The following MDM2 variants were observed in gnomAD, a reference collection of about 807,000 sequenced individuals.
MDM2 encodes the protein MDM2 proto-oncogene.
A neutral mutation model predicts 64.3 loss-of-function variants in MDM2; 11 were observed. The ratio of observed to expected loss-of-function variants is 0.17; its 90% CI spans 0.11 to 0.28. The LOEUF is 0.28. Among genes scored for constraint, MDM2 ranks in the 10% least tolerant of loss-of-function variants. The pLI, the probability that MDM2 is intolerant of heterozygous loss-of-function variation, is 1.00. For synonymous variants in MDM2, 194 were observed against 192.9 expected, an observed-to-expected ratio of 1.01 and a Z score of -0.05; for missense variants, 388 against 577.1, an observed-to-expected ratio of 0.67 and a Z score of 3.36.
intron 8 of MDM2, among the ~76,000 whole-genome samples, chr12:68,831,994 C>T (rs796625013): frequency 7.9e-5 from 12 of 152,236 alleles, no homozygotes; most frequent in African/African-American, 1.9e-4. Flanking sequence ...CGCTTGAACC[C>T]GGGAGGCGGA....
chr12:68,816,609 G>A (rs1881405631), intron 3 of MDM2, among the ~76,000 whole-genome samples: 1 of 151,940 alleles, frequency 6.6e-6, no homozygotes, highest in East Asian at 1.9e-4. Flanking sequence ...CATCCGCTTC[G>A]GCCTCCCGAA....
intron 2 of MDM2, among the ~76,000 whole-genome samples, chr12:68,809,776 C>G (rs1292455848): frequency 1.3e-5 from 2 of 152,092 alleles, no homozygotes; most frequent in Non-Finnish European, 2.9e-5. Context: ...TGTTATTGTC[C>G]TGTTTGTTGT....
downstream of MDM2, chr12:68,850,427 G>T (rs549514660): frequency 1.3e-5 from 2 of 152,058 alleles, no homozygotes; most frequent in African/African-American, 4.8e-5. Flanking sequence ...AAATTGAGAC[G>T]TCACTTTTTA....
In MDM2 at chr12:68,835,893, A is replaced by G; in HGVS notation, c.749A>G (p.Gln250Arg). ...DWLDQDSVSD[Q>R]FSVEFEVESL... ...TTGGATCAGGATTCAGTTTCAGATC[A>G]GTTTAGTGTAGAATTTGAAGTTGAA... is the stretch of plus-strand genomic sequence containing the variant. Residue 250 changes from glutamine (Q) to arginine (R), a missense_variant, in exon 9 of 11, where the codon CAG (glutamine) becomes CGG (arginine). By Grantham distance (43) the Gln-to-Arg change is conservative (BLOSUM62 1). Transcript: ENST00000258149. 6.2e-7 allele frequency: 1 copy of G among 1,613,730 alleles called. No homozygotes were observed. Among genetic ancestry groups the G allele is most frequent in the Non-Finnish European group, 8.5e-7 (1 of 1,179,694 alleles).
At chr12:68,835,695 G>A in intron 8 of MDM2, 134 bp from the exon 9 acceptor site, 1 of 791,822 alleles carries the variant, frequency 1.3e-6, no homozygotes, top group East Asian at 2.9e-5. Flanking sequence ...GGAAGTCCCG[G>A]ATCAGAGCAG....
In MDM2 at chr12:68,840,090, A is replaced by G; in HGVS notation, c.*241A>G. 2.2e-6 allele frequency: 1 copy of G among 450,122 alleles called. No individual in the cohort carries two copies. The highest frequency in any genetic ancestry group is 4.1e-5 in the South Asian group (1 of 24,452). 27.9% of individuals were successfully genotyped at this position (450,122 alleles called of 1,614,324 possible). A position where few individuals can be genotyped will look rare whatever the true frequency, so the allele number is the denominator to read the frequency against. On this transcript the variant is annotated 3_prime_UTR_variant, in exon 11 of 11. Coordinates refer to ENST00000258149, the MANE Select transcript of MDM2 (RefSeq NM_002392.6). ...TTTTAAATAATTTCTACTCTGTCTTAAATGAGAAGTACTTGGTTTTTTTTT... is the reference window on the plus strand; with the variant it reads ...TTTTAAATAATTTCTACTCTGTCTTGAATGAGAAGTACTTGGTTTTTTTTT...
chr12:68,816,862 G>A lies in MDM2; in HGVS notation c.225G>A (p.Glu75=), dbSNP rs770743144. 1 of 1,610,526 alleles carries A rather than the reference G, an allele frequency of 6.2e-7. No individual in the cohort carries two copies. The highest frequency in any genetic ancestry group is 1.1e-5 in the South Asian group (1 of 90,138). ...TTATGACTAAACGATTATATGATGAGAAGCAACAACATATTGTATATTGTT... is the reference window on the plus strand; with the variant it reads ...TTATGACTAAACGATTATATGATGAAAAGCAACAACATATTGTATATTGTT... The part of the protein sequence containing the change: ...QYIMTKRLYD[E]KQQHIVYCSN... The change falls in exon 4 of 11, where the codon GAG becomes GAA. Residue 75 remains glutamate (E), a synonymous_variant. Coordinates refer to ENST00000258149, the MANE Select transcript of MDM2 (RefSeq NM_002392.6).
intron 2 of MDM2, among the ~76,000 whole-genome samples, chr12:68,812,453 A>T (rs1034715005): frequency 8.6e-4 from 131 of 152,182 alleles, no homozygotes; most frequent in African/African-American, 3.2e-3. Context: ...AGTTTTGCAG[A>T]TTTTGATAAA....
At chr12:68,826,993 G>A (rs897726439) in intron 7 of MDM2, among the ~76,000 whole-genome samples, 3 of 152,158 alleles carry the variant, frequency 2.0e-5, no homozygotes, top group African/African-American at 7.2e-5. Context: ...TGGCTAACAC[G>A]GTGAAACCCC....
intron 8 of MDM2, among the ~76,000 whole-genome samples, chr12:68,829,934 C>G (rs1390914333): frequency 6.6e-6 from 1 of 152,164 alleles, no homozygotes; most frequent in Non-Finnish European, 1.5e-5. Flanking sequence ...GAATGCTTGA[C>G]AAATGGAATA....
intron 5 of MDM2, among the ~76,000 whole-genome samples, chr12:68,823,327 A>T (rs1339622701): frequency 6.6e-6 from 1 of 152,172 alleles, no homozygotes; most frequent in East Asian, 1.9e-4. Context: ...TTGAGCTCAA[A>T]GTCTGTATAT....
chr12:68,813,698 A>C, intron 3 of MDM2, 70 bp downstream of exon 3: 2 of 1,101,184 alleles, frequency 1.8e-6, no homozygotes, highest in African/African-American at 1.6e-5. Context: ...TTTCAAGACC[A>C]TGTGGAGAAA....
At chr12:68,815,718 C>T in intron 3 of MDM2, 1 of 349,112 alleles carries the variant, frequency 2.9e-6, no homozygotes, top group Non-Finnish European at 5.8e-6. Context: ...GCTAGATTTA[C>T]AGGTGTGAGC....
intron 10 of MDM2, among the ~76,000 whole-genome samples, chr12:68,837,250 C>T (rs181969109): frequency 3.9e-5 from 6 of 152,114 alleles, no homozygotes; most frequent in Non-Finnish European, 5.9e-5. Flanking sequence ...CACTGCCCAG[C>T]TGAATTTGTA....
In MDM2 at chr12:68,839,371, A is replaced by C. The variant is rs760127492; in HGVS notation, c.1016A>C (p.Asp339Ala). ...CTTCGTGAGAATTGGCTTCCTGAAGATAAAGGGAAAGATAAAGGGGAAATC... is the reference window on the plus strand; with the variant it reads ...CTTCGTGAGAATTGGCTTCCTGAAGCTAAAGGGAAAGATAAAGGGGAAATC... Reference protein sequence around the residue: ...WALRENWLPEDKGKDKGEISE... With the variant: ...WALRENWLPEAKGKDKGEISE... The change falls in exon 11 of 11, where the codon GAT becomes GCT. Residue 339 changes from aspartate (D) to alanine (A), a missense_variant. Physicochemically the swap from Asp to Ala is moderately radical, Grantham distance 126 (BLOSUM62 -2). This residue lies in a region of MDM2 where 138 missense variants were observed against 143.7 expected (regional missense o/e 0.96). Coordinates refer to ENST00000258149, the MANE Select transcript of MDM2 (RefSeq NM_002392.6). 6.2e-7 allele frequency: 1 copy of C among 1,613,942 alleles called. No individual in the cohort carries two copies.
At chr12:68,848,079 T>C (rs1884453309), downstream of MDM2, 1 of 152,242 alleles carries the variant, frequency 6.6e-6, no homozygotes, top group Non-Finnish European at 1.5e-5. Flanking sequence ...CAATGAGCTA[T>C]GATTGCGCCA....
intron 7 of MDM2, among the ~76,000 whole-genome samples, chr12:68,825,529 T>C (rs1244889082): frequency 2.6e-5 from 4 of 152,092 alleles, no homozygotes; most frequent in African/African-American, 4.8e-5. Flanking sequence ...GGCGGGTGCC[T>C]GTAGTCCCAG....
chr12:68,829,020 T>C (rs1375026306), intron 8 of MDM2, 89 bp downstream of exon 8: 4 of 1,289,094 alleles, frequency 3.1e-6, no homozygotes, highest in Non-Finnish European at 4.3e-6. Flanking sequence ...AGAATGTACA[T>C]GTGTCTTACG....
In MDM2 at chr12:68,843,753, T is replaced by C. The variant is rs1369971861; in HGVS notation, c.*3904T>C. 1 of 223,642 alleles carries C rather than the reference T, an allele frequency of 4.5e-6. No homozygotes were observed. The highest frequency in any genetic ancestry group is 8.9e-6 in the Non-Finnish European group (1 of 112,160). The allele number at this position is 223,642 out of a possible 1,614,324, so 13.9% of individuals were successfully genotyped here. On this transcript the variant is annotated 3_prime_UTR_variant, in exon 11 of 11. Transcript: ENST00000258149. ...TAAATGGCCAAAGGGATTAGTAGTT[T>C]ACCTGTGGAGGTCCTCCAAGCATTA... is the stretch of plus-strand genomic sequence containing the variant.
Sources: gnomAD v4.1 joint callset for allele counts (sites outside exome capture counted in the v4.1 genomes callset) on GRCh38, gnomAD v4.1.1 for gene constraint, gnomAD v4.1.1 regional missense constraint, MANE v1.5 for transcripts, NCBI Gene and HGNC (gene_info 2026-07-23, HGNC 2026-07-21) for gene names.